Variants in SERINC5 observed in about 807,000 individuals in gnomAD.
The protein encoded by SERINC5 is serine incorporator 5.
In SERINC5, 41 loss-of-function variants were observed where a neutral mutation model predicts 63.1. That is an observed-to-expected ratio of 0.65 (90% CI 0.51 to 0.84). The LOEUF is 0.84. Ranked by LOEUF, SERINC5 falls within the 40% of genes least tolerant of loss-of-function variation. The pLI is 0.00. For synonymous variants in SERINC5, 222 were observed against 215.2 expected, an observed-to-expected ratio of 1.03 and a Z score of -0.28; for missense variants, 523 against 573.0, an observed-to-expected ratio of 0.91 and a Z score of 0.89.
intron 11 of SERINC5, among the ~76,000 whole-genome samples, chr5:80,122,213 A>ATAT (rs1554057292): frequency 2.8e-5 from 3 of 107,378 alleles, no homozygotes; most frequent in Non-Finnish European, 4.2e-5. Context: ...ATATATATAT[A>ATAT]ATATGAGTTT....
rs550235088 is a variant in SERINC5 at position 80,146,307 on chromosome 5, C to T, written c.1094-73G>A. ...TTACCATTCAGCAAAGTCACGCTCG[C>T]TAATTCTACAGGGCTGTCAGTAGAA... On this transcript the variant is annotated intron_variant, in intron 10 of 11. Coordinates refer to ENST00000507668, the MANE Select transcript of SERINC5 (RefSeq NM_001174072.3). The T allele has an allele frequency of 2.6e-6, 4 of 1,561,964 alleles. No individual in the cohort carries two copies. In the East Asian group the frequency reaches 9.0e-5, roughly 35 times the overall value.
rs926843140 is a variant in SERINC5 at position 80,140,236 on chromosome 5, G to A, written c.*3427C>T. 3 of 867,446 alleles carry A rather than the reference G, an allele frequency of 3.5e-6. No homozygotes were observed. The highest frequency in any genetic ancestry group is 1.9e-5 in the African/African-American group (1 of 51,596). The allele number at this position is 867,446 out of a possible 1,614,324, so 53.7% of individuals were successfully genotyped here. On this transcript the variant is annotated 3_prime_UTR_variant, in exon 12 of 12. Coordinates refer to ENST00000507668, the MANE Select transcript of SERINC5 (RefSeq NM_001174072.3). The stretch of plus-strand genomic sequence containing the variant: ...TGGGAGGTGGTCCTTGAGCCCAGGA[G>A]GTCAAGCCTGCCATGAGTCAAGATC...
intron 2 of SERINC5, among the ~76,000 whole-genome samples, chr5:80,180,661 T>G (rs191901974): frequency 2.2e-4 from 34 of 152,228 alleles, no homozygotes; most frequent in African/African-American, 7.9e-4. Context: ...AGGGGGCAGG[T>G]GGTGAGGCAA....
chr5:80,246,165 G>A (rs1006742912), intron 1 of SERINC5, among the ~76,000 whole-genome samples: 18 of 152,024 alleles, frequency 1.2e-4, no homozygotes, highest in African/African-American at 3.9e-4. Context: ...AATGAGCATG[G>A]AATCAAGAAC....
At chr5:80,213,408 T>G (rs933641676) in intron 1 of SERINC5, among the ~76,000 whole-genome samples, 14 of 152,124 alleles carry the variant, frequency 9.2e-5, no homozygotes, top group Non-Finnish European at 2.1e-4. Context: ...TCAGAGAGGT[T>G]AAACAGCAGC....
At position 80,143,206 on chromosome 5, in the gene SERINC5, T is replaced by C; in HGVS notation, c.*457A>G. On this transcript the variant is annotated 3_prime_UTR_variant, in exon 12 of 12. Transcript: ENST00000507668. ...GCTGAGTCCTGTCCTCAAAGCCCCC[T>C]GGGGACAAGGCTCTAAGAGGCGGAA... is the stretch of plus-strand genomic sequence containing the variant. 5.1e-6 allele frequency: 5 copies of C among 988,096 alleles called. No homozygotes were observed. Among genetic ancestry groups the C allele is most frequent in the Non-Finnish European group, 6.0e-6 (5 of 831,802 alleles). The allele number at this position is 988,096 out of a possible 1,614,324, so 61.2% of individuals were successfully genotyped here. A position where few individuals can be genotyped will look rare whatever the true frequency, so the allele number is the denominator to read the frequency against.
At chr5:80,245,111 AC>A (rs1289907686) in intron 1 of SERINC5, among the ~76,000 whole-genome samples, 4 of 152,188 alleles carry the variant, frequency 2.6e-5, no homozygotes, top group African/African-American at 9.7e-5. Context: ...CCTGTTGGCT[AC>A]AGGGAATGTG....
rs537696396 is a variant in SERINC5, at chr5:80,231,433, C to A, written c.27+24463G>T. ...TCATTTCTCATGCCTGTAACAGCATCTACTGCAGGCCTTTGTTACTTACAA... is the reference window on the plus strand; with the variant it reads ...TCATTTCTCATGCCTGTAACAGCATATACTGCAGGCCTTTGTTACTTACAA... On this transcript the variant is annotated intron_variant, in intron 1 of 11. Transcript: ENST00000507668. Among the ~76,000 whole-genome samples the A allele has an allele frequency of 1.6e-4, 25 of 152,242 alleles. No homozygotes were observed. The South Asian group carries it at 4.4e-3, about 27-fold the overall frequency.
At chr5:80,201,414 T>C (rs1749828276) in intron 2 of SERINC5, among the ~76,000 whole-genome samples, 1 of 152,210 alleles carries the variant, frequency 6.6e-6, no homozygotes, top group African/African-American at 2.4e-5. Context: ...AACTGCGCCC[T>C]TGCAAAGAAG....
Position 80,169,378 on chromosome 5 carries a change from G to A in SERINC5, c.720C>T (p.Cys240=), listed in dbSNP as rs772381203. 1.2e-6 allele frequency: 2 copies of A among 1,613,974 alleles called. No individual in the cohort carries two copies. The highest frequency in any genetic ancestry group is 1.7e-6 in the Non-Finnish European group (2 of 1,179,854). Residue 240 remains cysteine (C), a synonymous_variant, in exon 6 of 12, where the codon TGC becomes TGT. Transcript: ENST00000507668. The stretch of plus-strand genomic sequence containing the variant: ...AGATGGCTACCAATGATATAAGCAG[G>A]CACAGGCCTCCATTTACTCCCAGCA... ...KILLGVNGGL[C]LLISLVAISP...
intron 1 of SERINC5, among the ~76,000 whole-genome samples, chr5:80,244,405 G>A (rs1752079118): frequency 6.6e-6 from 1 of 151,506 alleles, no homozygotes; most frequent in Non-Finnish European, 1.5e-5. Flanking sequence ...TAGTAGAGAT[G>A]GGGTTTTACC....
rs542593775 is a variant in SERINC5, at chr5:80,140,362, C to T, written c.*3301G>A. The T allele has an allele frequency of 4.2e-5, 39 of 927,840 alleles. No individual in the cohort carries two copies. The highest frequency in any genetic ancestry group is 2.3e-4 in the African/African-American group (12 of 51,344). The allele number at this position is 927,840 out of a possible 1,614,324, so 57.5% of individuals were successfully genotyped here. On this transcript the variant is annotated 3_prime_UTR_variant, in exon 12 of 12. Coordinates refer to ENST00000507668, the MANE Select transcript of SERINC5 (RefSeq NM_001174072.3). ...TAGGGTGACAATTTTGACATGGGGA[C>T]AGGAAATTAACATTACACTGAGGTT...
At chr5:80,231,181 A>C (rs894859867) in intron 1 of SERINC5, among the ~76,000 whole-genome samples, 3 of 152,224 alleles carry the variant, frequency 2.0e-5, no homozygotes, top group African/African-American at 7.2e-5. Context: ...AGTACTTTTA[A>C]AAAACAGTTA....
At chr5:80,248,440 G>A (rs1212367907) in intron 1 of SERINC5, among the ~76,000 whole-genome samples, 1 of 152,176 alleles carries the variant, frequency 6.6e-6, no homozygotes, top group Non-Finnish European at 1.5e-5. Context: ...CCGGTGGGAT[G>A]GAGTGAGGTT....
chr5:80,227,998 G>A (rs1315139736), intron 1 of SERINC5, among the ~76,000 whole-genome samples: 5 of 150,850 alleles, frequency 3.3e-5, no homozygotes, highest in African/African-American at 7.3e-5. Flanking sequence ...AAGGTGGGTG[G>A]ATCACTTGAG....
chr5:80,216,936 A>G (rs1486622847), intron 1 of SERINC5, among the ~76,000 whole-genome samples: 2 of 152,114 alleles, frequency 1.3e-5, no homozygotes, highest in Admixed American at 1.3e-4. Context: ...GATTGAGCCC[A>G]GAAGATTGAG....
chr5:80,183,701 C>T (rs1182050790), intron 2 of SERINC5, among the ~76,000 whole-genome samples: 1 of 152,196 alleles, frequency 6.6e-6, no homozygotes, highest in African/African-American at 2.4e-5. Context: ...CCTTGTGACC[C>T]CCGCCCCTGC....
At position 80,141,704 on chromosome 5, in the gene SERINC5, T is replaced by C. The variant is rs1415413509; in HGVS notation, c.*1959A>G. Reference sequence around the variant, plus strand: ...GCCCATTCCTGGCCCACGGAACTCCTGTCCCCTAACTGATTCCTCAGGTTA... The same window carrying C: ...GCCCATTCCTGGCCCACGGAACTCCCGTCCCCTAACTGATTCCTCAGGTTA... On this transcript the variant is annotated 3_prime_UTR_variant, in exon 12 of 12. Transcript: ENST00000507668. The C allele has an allele frequency of 1.1e-5, 11 of 985,506 alleles. No individual in the cohort carries two copies. The highest frequency in any genetic ancestry group is 1.3e-5 in the Non-Finnish European group (11 of 830,040). The allele number at this position is 985,506 out of a possible 1,614,324, so 61.0% of individuals were successfully genotyped here.
At chr5:80,182,932 T>A (rs1261652534) in intron 2 of SERINC5, among the ~76,000 whole-genome samples, 1 of 151,858 alleles carries the variant, frequency 6.6e-6, no homozygotes, top group East Asian at 1.9e-4. Flanking sequence ...CCTAGAAGAG[T>A]GGAAGGAAGC....
Sources: allele counts gnomAD v4.1 joint callset (sites outside exome capture counted in the v4.1 genomes callset), GRCh38; gene constraint gnomAD v4.1.1; transcripts MANE v1.5; gene names NCBI Gene and HGNC (gene_info 2026-07-23, HGNC 2026-07-21).